The following NRXN3 variants were observed in gnomAD, a reference collection of about 807,000 sequenced individuals.
The protein encoded by NRXN3 is neurexin 3.
A neutral mutation model predicts 137.6 loss-of-function variants in NRXN3; 32 were observed. The observed-to-expected ratio is 0.23, with a 90% CI of 0.18 to 0.31. The LOEUF (loss-of-function observed/expected upper bound fraction) is 0.31, where lower values mean the gene tolerates loss of function less well. Among genes scored for constraint, NRXN3 ranks in the 10% least tolerant of loss-of-function variants. NRXN3 has a pLI of 1.00. For missense variants in NRXN3, 1,574 were observed against 2,062.5 expected (o/e 0.76, Z 4.59); for synonymous variants, 798 against 784.5 (o/e 1.02, Z -0.29).
chr14:78,460,458 A>G (rs944797112), intron 4 of NRXN3, among the ~76,000 whole-genome samples: 1 of 152,274 alleles, frequency 6.6e-6, no homozygotes, highest in African/African-American at 2.4e-5. Context: ...TAGTCATTTC[A>G]TTGGCATATA....
chr14:79,860,645 C>T lies in NRXN3; in HGVS notation c.4094-697C>T, dbSNP rs140925415. ...AAGAAGGCAATAAAGAAATCTTAAA[C>T]GCATGTTAATAAATTCTTAAGTTAA... On this transcript the variant is annotated intron_variant, in intron 20 of 20. Coordinates refer to ENST00000335750, the MANE Select transcript of NRXN3 (RefSeq NM_001330195.2). Among the ~76,000 whole-genome samples the T allele has an allele frequency of 3.4e-3, 523 of 152,306 alleles. 7 individuals carry two copies. The highest frequency in any genetic ancestry group is 3.1e-3 in the Admixed American group (48 of 15,296).
chr14:78,716,695 T>C (rs1433248552), intron 8 of NRXN3, among the ~76,000 whole-genome samples: 3 of 152,186 alleles, frequency 2.0e-5, no homozygotes, highest in South Asian at 2.1e-4. Flanking sequence ...CCTGTTTTTT[T>C]GTAAGGCCAA....
intron 15 of NRXN3, among the ~76,000 whole-genome samples, chr14:79,054,092 T>C (rs2099648638): frequency 1.5e-5 from 2 of 135,240 alleles, no homozygotes; most frequent in African/African-American, 5.6e-5. Flanking sequence ...TTCTCACTCA[T>C]AGGTAGGAAT....
intron 15 of NRXN3, among the ~76,000 whole-genome samples, chr14:79,202,529 C>T (rs1439335073): frequency 6.6e-6 from 1 of 152,110 alleles, no homozygotes; most frequent in Non-Finnish European, 1.5e-5. Flanking sequence ...ATCCCTCACC[C>T]TCCTACGACT....
At chr14:79,410,147 T>A (rs1345858142) in intron 15 of NRXN3, among the ~76,000 whole-genome samples, 1 of 151,904 alleles carries the variant, frequency 6.6e-6, no homozygotes, top group Admixed American at 6.6e-5. Flanking sequence ...TGTCTGTAAT[T>A]TTCATGTCTT....
At chr14:79,349,910 C>T (rs570975041) in intron 15 of NRXN3, among the ~76,000 whole-genome samples, 4 of 152,234 alleles carry the variant, frequency 2.6e-5, no homozygotes, top group Non-Finnish European at 5.9e-5. Context: ...ACCAATTTTG[C>T]CAACACCTTG....
chr14:78,656,689 A>T (rs1393414181), intron 6 of NRXN3, among the ~76,000 whole-genome samples: 1 of 152,074 alleles, frequency 6.6e-6, no homozygotes, highest in East Asian at 1.9e-4. Context: ...ATGTTAATTC[A>T]TCTACCACTT....
chr14:79,440,236 G>A (rs1042049502), intron 15 of NRXN3, among the ~76,000 whole-genome samples: 7 of 152,170 alleles, frequency 4.6e-5, no homozygotes, highest in Admixed American at 1.3e-4. Flanking sequence ...TTCAGCCAAG[G>A]CAGAAAGTGA....
intron 15 of NRXN3, among the ~76,000 whole-genome samples, chr14:79,440,508 A>G (rs1489521137): frequency 6.6e-6 from 1 of 152,216 alleles, no homozygotes; most frequent in African/African-American, 2.4e-5. Flanking sequence ...CAGCACACTT[A>G]TCATAACAAA....
chr14:79,303,459 A>G (rs1173065340), intron 15 of NRXN3, among the ~76,000 whole-genome samples: 2 of 152,050 alleles, frequency 1.3e-5, no homozygotes, highest in African/African-American at 4.8e-5. Context: ...TGACTAGAGC[A>G]TTGGAGTTAA....
intron 19 of NRXN3, among the ~76,000 whole-genome samples, chr14:79,787,118 A>G (rs1011105205): frequency 6.6e-6 from 1 of 152,202 alleles, no homozygotes; most frequent in Non-Finnish European, 1.5e-5. Context: ...AGTCCTGCAA[A>G]TAAGAAATTT....
chr14:79,699,272 G>A (rs1289787513), intron 19 of NRXN3, among the ~76,000 whole-genome samples: 1 of 151,768 alleles, frequency 6.6e-6, no homozygotes, highest in Non-Finnish European at 1.5e-5. Context: ...GAAGATAAAA[G>A]GCAATATATA....
intron 4 of NRXN3, among the ~76,000 whole-genome samples, chr14:78,478,967 T>C (rs1305537381): frequency 6.6e-6 from 1 of 152,220 alleles, no homozygotes. Flanking sequence ...AGTTGTCATA[T>C]CACCAACGTC....
intron 10 of NRXN3, among the ~76,000 whole-genome samples, chr14:78,949,717 T>C (rs1410053609): frequency 6.6e-6 from 1 of 152,116 alleles, no homozygotes; most frequent in Non-Finnish European, 1.5e-5. Context: ...TGAGGAGGGA[T>C]GGCTGCAGAT....
Position 79,347,890 on chromosome 14 carries a change from G to A in NRXN3, c.3263-119331G>A, listed in dbSNP as rs189241836. On this transcript the variant is annotated intron_variant, in intron 15 of 20. Coordinates refer to ENST00000335750, the MANE Select transcript of NRXN3 (RefSeq NM_001330195.2). Reference sequence around the variant, plus strand: ...CTTTTCTCCTAAGTTAAGACTGTTCGCAAATCACTTTTGAGAGCGAAGTGA... The same window carrying A: ...CTTTTCTCCTAAGTTAAGACTGTTCACAAATCACTTTTGAGAGCGAAGTGA... 4.6e-5 allele frequency among the ~76,000 whole-genome samples: 7 copies of A among 152,268 alleles called. No individual in the cohort carries two copies. In the East Asian group the frequency reaches 1.4e-3, roughly 29 times the overall value.
Position 78,627,104 on chromosome 14 carries a change from T to TTCTCTCTCTC in NRXN3, c.758-17985_758-17976dup, listed in dbSNP as rs68104206. ...TTCCCTCCCTTCCTCCCTCCCTCCC[T>TTCTCTCTCTC]TCTCTCTCTCTCTCTCTCTCTCTCT... On this transcript the variant is annotated intron_variant, in intron 4 of 20. Coordinates refer to ENST00000335750, the MANE Select transcript of NRXN3 (RefSeq NM_001330195.2). Among the ~76,000 whole-genome samples, 205 of 121,082 alleles carry TTCTCTCTCTC rather than the reference T, an allele frequency of 1.7e-3. 3 individuals are homozygous for TTCTCTCTCTC. Among genetic ancestry groups the TTCTCTCTCTC allele is most frequent in the Middle Eastern group, 9.7e-3 (2 of 206 alleles). The allele number at this position is 121,082 out of a possible 152,430, so 79.4% of individuals were successfully genotyped here.
chr14:78,935,151 C>T (rs2099332316), intron 10 of NRXN3, among the ~76,000 whole-genome samples: 1 of 152,082 alleles, frequency 6.6e-6, no homozygotes, highest in South Asian at 2.1e-4. Context: ...ATTTGAAAAA[C>T]ATCAAACATG....
chr14:78,651,011 C>T (rs2097736616), intron 5 of NRXN3, among the ~76,000 whole-genome samples, 154 bp from the exon 6 acceptor site: 1 of 152,168 alleles, frequency 6.6e-6, no homozygotes, highest in South Asian at 2.1e-4. Context: ...GAAAATGGAA[C>T]TTGGCTGCAC....
chr14:79,280,600 T>G (rs2081121118), intron 15 of NRXN3: 1 of 1,439,310 alleles, frequency 6.9e-7, no homozygotes, highest in African/African-American at 1.4e-5. Context: ...CCACTAGCCT[T>G]GCAGGTAGTG....
Sources: allele counts gnomAD v4.1 joint callset (sites outside exome capture counted in the v4.1 genomes callset), GRCh38; gene constraint gnomAD v4.1.1; transcripts MANE v1.5; gene names NCBI Gene and HGNC (gene_info 2026-07-23, HGNC 2026-07-21).